The following DMBT1 variants were observed in gnomAD, a reference collection of about 807,000 sequenced individuals.
DMBT1 encodes scavenger receptor cysteine-rich domain-containing protein DMBT1.
Under a neutral mutation model 252.9 loss-of-function variants are expected in DMBT1, and 198 were observed. The observed-to-expected ratio is 0.78, with a 90% CI of 0.70 to 0.88. DMBT1 has a LOEUF of 0.88. DMBT1 is among the 40% of genes least tolerant of loss of function. The pLI is 0.00. For synonymous variants in DMBT1, 990 were observed against 942.7 expected (o/e 1.05, Z -0.92); for missense variants, 2,432 against 2,404.7 (o/e 1.01, Z -0.24).
chr10:122,567,144 G>A lies in DMBT1; in HGVS notation c.91+1148G>A, dbSNP rs532612432. Among the ~76,000 whole-genome samples the A allele has an allele frequency of 4.6e-5, 7 of 152,340 alleles. No homozygotes were observed. In the East Asian group the frequency reaches 1.3e-3, roughly 29 times the overall value. On this transcript the variant is annotated intron_variant, in intron 2 of 55. Coordinates refer to ENST00000338354, the MANE Select transcript of DMBT1 (RefSeq NM_001377530.1). ...TCCCTCCCCTTCCAGGACATGACTT[G>A]AGAGATCCAGAAATGGCCTGGGAAA...
At chr10:122,568,955 A>G (rs1350411911) in intron 2 of DMBT1, among the ~76,000 whole-genome samples, 1 of 152,196 alleles carries the variant, frequency 6.6e-6, no homozygotes, top group Non-Finnish European at 1.5e-5. Context: ...CTGAGTCAAT[A>G]TTACCACACA....
intron 15 of DMBT1, among the ~76,000 whole-genome samples, chr10:122,585,585 A>G (rs1305485006): frequency 4.0e-5 from 6 of 148,342 alleles, no homozygotes; most frequent in African/African-American, 1.5e-4. Flanking sequence ...AGCTTCCCTA[A>G]TCCTACTAAG....
chr10:122,629,901 C>G lies in DMBT1; in HGVS notation c.5730C>G (p.Ser1910=), dbSNP rs2098146326. 1 of 1,613,914 alleles carries G rather than the reference C, an allele frequency of 6.2e-7. No homozygotes were observed. Among genetic ancestry groups the G allele is most frequent in the Non-Finnish European group, 8.5e-7 (1 of 1,179,908 alleles). Residue 1910 remains serine, a synonymous_variant, in exon 47 of 56, where the codon TCC becomes TCG. Transcript: ENST00000338354. The part of the protein sequence containing the change: ...FYASGTFSSP[S]YPAYYPNNAK... ...CCAGTGGGACATTCTCCAGCCCATC[C>G]TACCCTGCATACTACCCCAACAATG...
chr10:122,561,269 G>A (rs1474746273), intron 1 of DMBT1, among the ~76,000 whole-genome samples: 1 of 152,154 alleles, frequency 6.6e-6, no homozygotes, highest in East Asian at 1.9e-4. Flanking sequence ...GGTGTGTCTG[G>A]CTTGATGGCT....
intron 2 of DMBT1, 26 bp downstream of exon 2, chr10:122,566,022 C>G: frequency 6.2e-7 from 1 of 1,613,380 alleles, no homozygotes; most frequent in Non-Finnish European, 8.5e-7. Context: ...CACTCCTCTT[C>G]CCTGGTGGGG....
In DMBT1 at chr10:122,585,074, C is replaced by T. The variant is rs7070333; in HGVS notation, c.1421-197C>T. Among the ~76,000 whole-genome samples, 1,454 of 148,634 alleles carry T rather than the reference C, an allele frequency of 9.8e-3. 42 individuals are homozygous for T. Among genetic ancestry groups the T allele is most frequent in the African/African-American group, 0.033 (1,348 of 41,122 alleles). ...CCCACACTTCAGAGGCAGGAGGGAT[C>T]GAACTGGTCTCCAGCAAGGCTTATG... On this transcript the variant is annotated intron_variant, in intron 14 of 55. Coordinates refer to ENST00000338354, the MANE Select transcript of DMBT1 (RefSeq NM_001377530.1).
intron 55 of DMBT1, among the ~76,000 whole-genome samples, chr10:122,642,181 A>AAG (rs1212763910): frequency 8.4e-6 from 1 of 119,006 alleles, no homozygotes. Context: ...CTGTGAAAAA[A>AAG]AAAACAAAAA....
intron 6 of DMBT1, 149 bp from the exon 7 acceptor site, chr10:122,576,250 A>T: frequency 8.3e-7 from 1 of 1,203,940 alleles, no homozygotes; most frequent in South Asian, 1.6e-5. Flanking sequence ...CCCATGAAGA[A>T]CTCTAACCTT....
intron 50 of DMBT1, among the ~76,000 whole-genome samples, 183 bp from the exon 51 acceptor site, chr10:122,632,678 G>A (rs2098175377): frequency 2.0e-5 from 3 of 152,046 alleles, no homozygotes; most frequent in African/African-American, 7.2e-5. Context: ...TTTTCCCAGT[G>A]TGCTGGGATT....
rs749875889 is a variant in DMBT1 at position 122,621,361 on chromosome 10, C to T, written c.5589C>T (p.Asp1863=). 17 of 1,613,738 alleles carry T rather than the reference C, an allele frequency of 1.1e-5. No homozygotes were observed. The highest frequency in any genetic ancestry group is 5.0e-5 in the Admixed American group (3 of 60,000). Residue 1863 remains aspartate, a synonymous_variant, in exon 44 of 56, where the codon GAC becomes GAT. Transcript: ENST00000338354. ...WLTHNCGHHE[D]AGVICSATQI... ...CCCACAACTGTGGCCATCACGAAGA[C>T]GCTGGTGTCATCTGCTCAGGTGGGC...
chr10:122,576,365 G>A lies in DMBT1; in HGVS notation c.284-34G>A, dbSNP rs775533559. 2.5e-6 allele frequency: 4 copies of A among 1,608,060 alleles called. No individual in the cohort carries two copies. The East Asian group carries it at 8.9e-5, about 36-fold the overall frequency. ...GCCCTGAGACCTTGTGCCTCAGTAGGAATGTGCAAGAGAAATTCTGTGCCT... is the reference window on the plus strand; with the variant it reads ...GCCCTGAGACCTTGTGCCTCAGTAGAAATGTGCAAGAGAAATTCTGTGCCT... On this transcript the variant is annotated intron_variant, in intron 6 of 55. Coordinates refer to ENST00000338354, the MANE Select transcript of DMBT1 (RefSeq NM_001377530.1).
In DMBT1 at chr10:122,598,149, G is replaced by A. The variant is rs28729328; in HGVS notation, c.2956+137G>A. 5.6e-3 allele frequency: 7,390 copies of A among 1,319,054 alleles called. 320 individuals carry two copies. The African/African-American group carries it at 0.091, about 16-fold the overall frequency. The allele number at this position is 1,319,054 out of a possible 1,614,324, so 81.7% of individuals were successfully genotyped here. ...CTGTGGGTTGCATGGGAGGAAGGTA[G>A]CGTCTCTGGGGACCCAGCTCTGGGT... On this transcript the variant is annotated intron_variant, in intron 25 of 55. Transcript: ENST00000338354.
Position 122,637,287 on chromosome 10 carries a change from A to G in DMBT1, c.6917A>G (p.Tyr2306Cys). Residue 2306 changes from tyrosine (Y) to cysteine (C), a missense_variant, in exon 54 of 56, where the codon TAC becomes TGC. By Grantham distance (194) the Tyr-to-Cys change is radical. Transcript: ENST00000338354. ...TPNLVIFTIP[Y>C]SGCGTFKQAD... ...AACCTGGTGATATTCACAATTCCCT[A>G]CTCAGGCTGCGGCACCTTCAAGCAG... 6.2e-7 allele frequency: 1 copy of G among 1,612,384 alleles called. No homozygotes were observed. The highest frequency in any genetic ancestry group is 8.5e-7 in the Non-Finnish European group (1 of 1,179,080).
At position 122,639,317 on chromosome 10, in the gene DMBT1, C is replaced by T. The variant is rs1372311039; in HGVS notation, c.6943-723C>T. On this transcript the variant is annotated intron_variant, in intron 54 of 55. Transcript: ENST00000338354. ...GAAGGGTCATACTGTCATGTGCGTC[C>T]ATGTGAAAAGACCACCAAACAAGCT... Among the ~76,000 whole-genome samples, 4 of 152,120 alleles carry T rather than the reference C, an allele frequency of 2.6e-5. No homozygotes were observed. The East Asian group carries it at 5.8e-4, about 22-fold the overall frequency.
In DMBT1 at chr10:122,643,200, C is replaced by A. The variant is rs1566079797; in HGVS notation, c.7431C>A (p.His2477Gln). 2.5e-6 allele frequency: 4 copies of A among 1,614,018 alleles called. No homozygotes were observed. Among genetic ancestry groups the A allele is most frequent in the Non-Finnish European group, 3.4e-6 (4 of 1,179,898 alleles). The change falls in exon 56 of 56, where the codon CAC (histidine) becomes CAA (glutamine). Residue 2477 changes from histidine (H) to glutamine (Q), a missense_variant. Physicochemically the swap from His to Gln is conservative, Grantham distance 24 (BLOSUM62 0). Transcript: ENST00000338354. ...RIARFRFRAF[H>Q]FLNRFPSVYL... ...CCCGCTTCCGGTTCAGGGCCTTCCA[C>A]TTCCTGAACCGCTTCCCCTCCGTGT...
intron 18 of DMBT1, 71 bp from the exon 19 acceptor site, chr10:122,591,408 A>G: frequency 6.8e-7 from 1 of 1,468,680 alleles, no homozygotes; most frequent in Non-Finnish European, 9.5e-7. Flanking sequence ...TGCCTTGTCC[A>G]GAGACCTTTC....
intron 47 of DMBT1, 134 bp downstream of exon 47, chr10:122,630,127 C>G: frequency 7.1e-7 from 1 of 1,402,970 alleles, no homozygotes; most frequent in South Asian, 1.3e-5. Context: ...TTGATTCCTA[C>G]CATAAAGCAT....
Position 122,576,570 on chromosome 10 carries a change from C to G in DMBT1, c.455C>G (p.Pro152Arg). ...GGTTGTGGCTGGGCCATGTCAGCTC[C>G]AGGAAATGCCTGGTTTGGCCAGGGC... ...QLGCGWAMSAPGNAWFGQGSG... is the reference protein window; with the variant it reads ...QLGCGWAMSARGNAWFGQGSG... Residue 152 changes from proline (P) to arginine (R), a missense_variant, in exon 7 of 56, where the codon CCA (proline) becomes CGA (arginine). Pro to Arg is a moderately radical substitution (Grantham distance 103). Transcript: ENST00000338354. 2 of 1,613,922 alleles carry G rather than the reference C, an allele frequency of 1.2e-6. No homozygotes were observed. Among genetic ancestry groups the G allele is most frequent in the Non-Finnish European group, 1.7e-6 (2 of 1,179,856 alleles).
chr10:122,617,701 G>A (rs192401208), intron 40 of DMBT1, among the ~76,000 whole-genome samples: 1 of 151,640 alleles, frequency 6.6e-6, no homozygotes, highest in Non-Finnish European at 1.5e-5. Flanking sequence ...CATGGGGCCA[G>A]CATGGGCCTG....
Sources: allele counts gnomAD v4.1 joint callset (sites outside exome capture counted in the v4.1 genomes callset), GRCh38; gene constraint gnomAD v4.1.1; transcripts MANE v1.5; gene names NCBI Gene and HGNC (gene_info 2026-07-23, HGNC 2026-07-21).